Variants in PLPPR1 observed in about 807,000 individuals in gnomAD.
PLPPR1 encodes phospholipid phosphatase-related protein type 1.
A neutral mutation model predicts 33.1 loss-of-function variants in PLPPR1; 10 were observed. That is an observed-to-expected ratio of 0.30 (90% CI 0.19 to 0.51). The LOEUF (loss-of-function observed/expected upper bound fraction) is 0.51. PLPPR1 is among the 20% of genes least tolerant of loss of function. The pLI is 0.97. For synonymous variants in PLPPR1, 151 were observed against 151.0 expected (o/e 1.00, Z 0.00); for missense variants, 304 against 408.1 (o/e 0.74, Z 2.20).
At chr9:101,289,059 C>G (rs1419740906) in intron 4 of PLPPR1, among the ~76,000 whole-genome samples, 1 of 152,216 alleles carries the variant, frequency 6.6e-6, no homozygotes, top group African/African-American at 2.4e-5. Context: ...CGAGCCACTC[C>G]CTTGTGAGGC....
intron 1 of PLPPR1, among the ~76,000 whole-genome samples, chr9:101,180,334 T>G (rs1826088379): frequency 6.6e-6 from 1 of 150,888 alleles, no homozygotes; most frequent in Non-Finnish European, 1.5e-5. Flanking sequence ...GGTCTATAGA[T>G]TCAATGAAAT....
chr9:101,155,225 T>G (rs147847790), intron 1 of PLPPR1, among the ~76,000 whole-genome samples: 194 of 152,348 alleles, frequency 1.3e-3, no homozygotes, highest in Middle Eastern at 3.4e-3. Context: ...TGATGCCTTC[T>G]CTGGGCCAGT....
At chr9:101,301,699 T>C (rs906613327) in intron 4 of PLPPR1, among the ~76,000 whole-genome samples, 2 of 152,162 alleles carry the variant, frequency 1.3e-5, no homozygotes, top group Non-Finnish European at 2.9e-5. Context: ...AAGCACAATA[T>C]ATAGGGCATA....
At chr9:101,209,528 T>C (rs769936167) in intron 2 of PLPPR1, among the ~76,000 whole-genome samples, 10 of 152,230 alleles carry the variant, frequency 6.6e-5, no homozygotes, top group Non-Finnish European at 1.3e-4. Context: ...TCTGTGCTTC[T>C]TCCCTTTATA....
rs150290464 is a variant in PLPPR1, at chr9:101,084,619, A to T, written c.-46+55517A>T. Among the ~76,000 whole-genome samples, 271 of 152,298 alleles carry T rather than the reference A, an allele frequency of 1.8e-3. 4 individuals are homozygous for T. The highest frequency in any genetic ancestry group is 6.3e-3 in the African/African-American group (260 of 41,566). On this transcript the variant is annotated intron_variant, in intron 1 of 7. Transcript: ENST00000374874. ...GGGAGTCATGCTTTTCTAATGTACGATGTGACAGTTTGCTTTGCAAGGCTT... is the reference window on the plus strand; with the variant it reads ...GGGAGTCATGCTTTTCTAATGTACGTTGTGACAGTTTGCTTTGCAAGGCTT...
chr9:101,231,362 G>GC (rs1158997762), intron 2 of PLPPR1, among the ~76,000 whole-genome samples: 12 of 142,808 alleles, frequency 8.4e-5, no homozygotes, highest in African/African-American at 3.1e-4. Context: ...GAGATCGTTT[G>GC]TTTTTTTTTT....
intron 6 of PLPPR1, among the ~76,000 whole-genome samples, chr9:101,315,353 T>G (rs76236224): frequency 0.018 from 2,720 of 152,252 alleles, 89 homozygotes; most frequent in African/African-American, 0.062. Flanking sequence ...AAATAGACTT[T>G]GGCTCAAGAA....
At chr9:101,033,335 G>A (rs936938274) in intron 1 of PLPPR1, among the ~76,000 whole-genome samples, 1 of 152,188 alleles carries the variant, frequency 6.6e-6, no homozygotes, top group African/African-American at 2.4e-5. Flanking sequence ...GGGGAAGGAG[G>A]TTAGCTCAGG....
intron 1 of PLPPR1, among the ~76,000 whole-genome samples, chr9:101,078,187 G>A (rs375864291): frequency 0.034 from 594 of 17,350 alleles, 36 homozygotes; most frequent in East Asian, 0.096. Flanking sequence ...AAGAAGAAGA[G>A]GAGGGGGGGA....
At chr9:101,073,634 AGGCTTGTCTTTTCGTATG>A (rs1830505477) in intron 1 of PLPPR1, among the ~76,000 whole-genome samples, 1 of 152,204 alleles carries the variant, frequency 6.6e-6, no homozygotes, top group East Asian at 1.9e-4. Context: ...CAGTAAGATT[AGGCTTGTCTTTTCGTATG>A]GGCTTTGATG....
At chr9:101,048,366 A>G (rs984906993) in intron 1 of PLPPR1, among the ~76,000 whole-genome samples, 6 of 152,196 alleles carry the variant, frequency 3.9e-5, no homozygotes, top group Non-Finnish European at 7.3e-5. Context: ...GTGAACATTC[A>G]AGATAGGAGG....
chr9:101,090,413 G>A (rs1307415389), intron 1 of PLPPR1, among the ~76,000 whole-genome samples: 1 of 152,092 alleles, frequency 6.6e-6, no homozygotes. Context: ...AAGATTTCAT[G>A]TTTGCTGATT....
At position 101,112,357 on chromosome 9, in the gene PLPPR1, C is replaced by T. The variant is rs151164535; in HGVS notation, c.-45-73093C>T. ...AATAAAAGTTTATTTTCATGAATAG[C>T]ATTTAGATAAGATTGCTGTCCTTAC... On this transcript the variant is annotated intron_variant, in intron 1 of 7. Transcript: ENST00000374874. Among the ~76,000 whole-genome samples, 425 of 152,196 alleles carry T rather than the reference C, an allele frequency of 2.8e-3. 2 individuals are homozygous for T. The highest frequency in any genetic ancestry group is 9.3e-3 in the African/African-American group (387 of 41,502).
At chr9:101,144,126 TGAA>T (rs1467171878) in intron 1 of PLPPR1, among the ~76,000 whole-genome samples, 4 of 152,146 alleles carry the variant, frequency 2.6e-5, no homozygotes, top group African/African-American at 7.2e-5. Flanking sequence ...GGGACATGGA[TGAA>T]GCTGGAAACC....
chr9:101,154,479 T>G (rs1831646631), intron 1 of PLPPR1, among the ~76,000 whole-genome samples: 1 of 152,200 alleles, frequency 6.6e-6, no homozygotes, highest in South Asian at 2.1e-4. Flanking sequence ...TCATCTAGAT[T>G]TTCTAGTTTA....
At chr9:101,244,052 C>T (rs1370965448) in intron 2 of PLPPR1, among the ~76,000 whole-genome samples, 6 of 151,756 alleles carry the variant, frequency 4.0e-5, no homozygotes, top group Non-Finnish European at 8.8e-5. Context: ...GAGGTTAGGG[C>T]AGAGATATAT....
intron 4 of PLPPR1, among the ~76,000 whole-genome samples, chr9:101,296,576 A>T (rs117724764): frequency 0.048 from 7,361 of 152,208 alleles, 549 homozygotes; most frequent in African/African-American, 0.16. Context: ...TCCACTGGAT[A>T]ACGAAAATGT....
intron 2 of PLPPR1, among the ~76,000 whole-genome samples, chr9:101,195,523 G>C (rs1265072222): frequency 1.3e-5 from 2 of 152,014 alleles, no homozygotes; most frequent in Admixed American, 1.3e-4. Context: ...AAGAGTTCAA[G>C]CAGAGACCAG....
chr9:101,064,797 G>A (rs1830390169), intron 1 of PLPPR1, among the ~76,000 whole-genome samples: 2 of 152,060 alleles, frequency 1.3e-5, no homozygotes, highest in South Asian at 4.1e-4. Context: ...TTCCGATGGG[G>A]ACTCTGCAGA....
Sources: allele counts gnomAD v4.1 joint callset (sites outside exome capture counted in the v4.1 genomes callset), GRCh38; gene constraint gnomAD v4.1.1; transcripts MANE v1.5; gene names NCBI Gene and HGNC (gene_info 2026-07-23, HGNC 2026-07-21).